GULP1: variants seen among roughly 807,000 people sequenced by gnomAD.
GULP1 encodes the protein PTB domain-containing engulfment adapter protein 1.
A neutral mutation model predicts 40.9 loss-of-function variants in GULP1; 19 were observed. The ratio of observed to expected loss-of-function variants is 0.46; its 90% CI spans 0.32 to 0.68. The LOEUF (loss-of-function observed/expected upper bound fraction) is 0.68. GULP1 is among the 30% of genes least tolerant of loss of function. GULP1 has a pLI of 0.03. For missense variants in GULP1, 312 were observed against 362.2 expected (o/e 0.86, Z 1.12); for synonymous variants, 119 against 117.6 (o/e 1.01, Z -0.08).
intron 8 of GULP1, chr2:188,569,789 A>C: frequency 2.6e-6 from 1 of 385,044 alleles, no homozygotes; most frequent in Non-Finnish European, 4.6e-6. Flanking sequence ...ACAAGAAAAC[A>C]CAATGTTGAG....
At chr2:188,399,849 G>A (rs1045842775) in intron 2 of GULP1, among the ~76,000 whole-genome samples, 2 of 152,090 alleles carry the variant, frequency 1.3e-5, no homozygotes, top group Middle Eastern at 3.4e-3. Context: ...TCTTTCTTGT[G>A]TACATACTTG....
At chr2:188,442,458 A>G (rs1282793459) in intron 2 of GULP1, among the ~76,000 whole-genome samples, 2 of 152,214 alleles carry the variant, frequency 1.3e-5, no homozygotes, top group East Asian at 1.9e-4. Flanking sequence ...ATAAAAAGGC[A>G]TTTAGATGTT....
chr2:188,573,283 T>C (rs1030827567), intron 9 of GULP1, among the ~76,000 whole-genome samples: 5 of 152,198 alleles, frequency 3.3e-5, no homozygotes, highest in African/African-American at 1.2e-4. Context: ...ACAGCTTATT[T>C]ATCTCATATC....
At chr2:188,480,242 G>T (rs1218225072) in intron 3 of GULP1, among the ~76,000 whole-genome samples, 1 of 151,986 alleles carries the variant, frequency 6.6e-6, no homozygotes, top group Non-Finnish European at 1.5e-5. Flanking sequence ...TATCACTAGA[G>T]AATATTTTAT....
intron 2 of GULP1, among the ~76,000 whole-genome samples, chr2:188,437,125 T>A (rs963472177): frequency 1.3e-5 from 2 of 152,168 alleles, no homozygotes. Context: ...TATGCTAATA[T>A]CTGTTTACTG....
intron 2 of GULP1, among the ~76,000 whole-genome samples, chr2:188,397,923 G>A (rs895708460): frequency 6.6e-6 from 1 of 152,224 alleles, no homozygotes; most frequent in Non-Finnish European, 1.5e-5. Context: ...TCTGTAGTGA[G>A]TTGAATGTTG....
intron 2 of GULP1, among the ~76,000 whole-genome samples, chr2:188,447,448 T>C (rs1559251956): frequency 6.6e-6 from 1 of 152,108 alleles, no homozygotes; most frequent in Non-Finnish European, 1.5e-5. Context: ...TTTATTTTGT[T>C]TTGTTTTTGT....
At chr2:188,441,529 T>C (rs2057934587) in intron 2 of GULP1, among the ~76,000 whole-genome samples, 1 of 152,312 alleles carries the variant, frequency 6.6e-6, no homozygotes, top group Admixed American at 6.5e-5. Context: ...GACTTGAGCC[T>C]TCTTACTTGG....
At chr2:188,431,441 C>A (rs2152820113) in intron 2 of GULP1, among the ~76,000 whole-genome samples, 1 of 152,070 alleles carries the variant, frequency 6.6e-6, no homozygotes, top group East Asian at 1.9e-4. Context: ...AGAAACTGAA[C>A]TTTTAAAATA....
chr2:188,364,487 G>C (rs991750346), intron 1 of GULP1, among the ~76,000 whole-genome samples: 8 of 152,120 alleles, frequency 5.3e-5, no homozygotes, highest in African/African-American at 1.9e-4. Context: ...AGGATGAAGA[G>C]GGAGCTATAA....
chr2:188,322,025 C>T (rs1178308288), intron 1 of GULP1, among the ~76,000 whole-genome samples: 1 of 151,822 alleles, frequency 6.6e-6, no homozygotes, highest in African/African-American at 2.4e-5. Context: ...AACTCTGTCT[C>T]AAAAATAAAT....
At position 188,297,928 on chromosome 2, in the gene GULP1, A is replaced by G. The variant is rs549481525; in HGVS notation, c.-172+5762A>G. ...TGATTTTAGCTTCTCAATTTTTTTC[A>G]TAGCCATTTATAACCATCAAGAGAT... On this transcript the variant is annotated intron_variant, in intron 1 of 11. Coordinates refer to ENST00000409830, the MANE Select transcript of GULP1 (RefSeq NM_016315.4). Among the ~76,000 whole-genome samples, 6 of 152,256 alleles carry G rather than the reference A, an allele frequency of 3.9e-5. No individual in the cohort carries two copies. The South Asian group carries it at 1.2e-3, about 32-fold the overall frequency.
intron 7 of GULP1, among the ~76,000 whole-genome samples, chr2:188,562,015 G>A (rs191614333): frequency 6.6e-6 from 1 of 152,280 alleles, no homozygotes; most frequent in African/African-American, 2.4e-5. Context: ...ACCCGTGGGA[G>A]CTTATTCCCA....
At position 188,439,830 on chromosome 2, in the gene GULP1, C is replaced by A. The variant is rs1021392503; in HGVS notation, c.-44-37829C>A. ...TGGGAAGTAAAATATCAGAGACAGC[C>A]TACACTGATCATTTTTTATGAGTAA... On this transcript the variant is annotated intron_variant, in intron 2 of 11. Transcript: ENST00000409830. Among the ~76,000 whole-genome samples the A allele has an allele frequency of 3.9e-5, 6 of 152,058 alleles. No homozygotes were observed. In the East Asian group the frequency reaches 1.2e-3, roughly 29 times the overall value.
chr2:188,576,013 C>G (rs1448468039), intron 9 of GULP1, among the ~76,000 whole-genome samples: 2 of 152,122 alleles, frequency 1.3e-5, no homozygotes, highest in Admixed American at 1.3e-4. Context: ...TACACACACA[C>G]ACACACAAAA....
intron 1 of GULP1, among the ~76,000 whole-genome samples, chr2:188,352,618 T>TCTCACATACACACACA (rs578003996): frequency 1.6e-4 from 21 of 134,406 alleles, no homozygotes; most frequent in Non-Finnish European, 1.6e-5. Context: ...TCTCTCTCTC[T>TCTCACATACACACACA]CACACACACA....
intron 1 of GULP1, among the ~76,000 whole-genome samples, chr2:188,312,970 G>GT (rs201030515): frequency 0.48 from 73,481 of 151,706 alleles, 18,387 homozygotes; most frequent in East Asian, 0.71. Flanking sequence ...GGGGTTGTTT[G>GT]TTTTTTTCCT....
At chr2:188,297,995 T>C (rs2035352025) in intron 1 of GULP1, among the ~76,000 whole-genome samples, 2 of 152,148 alleles carry the variant, frequency 1.3e-5, no homozygotes, top group African/African-American at 4.8e-5. Context: ...TAGGTTCATT[T>C]ACCCAGATTT....
At chr2:188,539,818 C>T (rs954497839) in intron 6 of GULP1, among the ~76,000 whole-genome samples, 4 of 152,062 alleles carry the variant, frequency 2.6e-5, no homozygotes, top group African/African-American at 9.7e-5. Flanking sequence ...GAGCAAATCT[C>T]AGCAAGCTGA....
Sources: allele counts gnomAD v4.1 joint callset (sites outside exome capture counted in the v4.1 genomes callset), GRCh38; gene constraint gnomAD v4.1.1; transcripts MANE v1.5; gene names NCBI Gene and HGNC (gene_info 2026-07-23, HGNC 2026-07-21).